Variants in WDR72 observed in about 807,000 individuals in gnomAD.
WDR72 encodes the protein WD repeat-containing protein 72.
WDR72 carries 120 observed loss-of-function variants against 124.2 expected under a neutral mutation model. The ratio of observed to expected loss-of-function variants is 0.97; its 90% CI spans 0.83 to 1.12. The LOEUF is 1.12. Among genes scored for constraint, WDR72 ranks in the 50% most tolerant of loss-of-function variants. The pLI is 0.00. For missense variants in WDR72, 1,387 were observed against 1,278.8 expected (o/e 1.08, Z -1.29); for synonymous variants, 452 against 441.7 (o/e 1.02, Z -0.29).
In WDR72 at chr15:53,541,398, G is replaced by T. The variant is rs1327617886; in HGVS notation, c.3149-18076C>A. 3.3e-5 allele frequency among the ~76,000 whole-genome samples: 5 copies of T among 151,858 alleles called. No individual in the cohort carries two copies. In the East Asian group the frequency reaches 5.8e-4, roughly 18 times the overall value. On this transcript the variant is annotated intron_variant, in intron 18 of 19. Coordinates refer to ENST00000360509, the MANE Select transcript of WDR72 (RefSeq NM_182758.4). ...GCAGGGGCACACTGATACCTCACAA[G>T]GCAAGGTATTCCAACAGACCTGCAG...
chr15:53,676,710 T>G (rs2016184264), intron 13 of WDR72, among the ~76,000 whole-genome samples: 1 of 152,150 alleles, frequency 6.6e-6, no homozygotes, highest in South Asian at 2.1e-4. Flanking sequence ...AGATCCTAAA[T>G]AGAGAACCTG....
At chr15:53,702,570 G>A (rs967998017) in intron 11 of WDR72, among the ~76,000 whole-genome samples, 1 of 152,154 alleles carries the variant, frequency 6.6e-6, no homozygotes, top group Non-Finnish European at 1.5e-5. Context: ...ACAGTTAGTT[G>A]TTCAAAGTCT....
rs2017346139 is a variant in WDR72 at position 53,706,091 on chromosome 15, C to A, written c.955-17G>T. The A allele has an allele frequency of 6.2e-7, 1 of 1,613,226 alleles. No individual in the cohort carries two copies. Among genetic ancestry groups the A allele is most frequent in the East Asian group, 2.2e-5 (1 of 44,844 alleles). On this transcript the variant is annotated splice_polypyrimidine_tract_variant and intron_variant, in intron 9 of 19. Transcript: ENST00000360509. ...GCTCTGTTCCTAAACAAAAAGTGAG[C>A]TTTTATGTAGGAAATATTCTAACTA...
intron 2 of WDR72, 41 bp from the exon 3 acceptor site, chr15:53,722,949 G>C: frequency 6.4e-7 from 1 of 1,551,558 alleles, no homozygotes; most frequent in Non-Finnish European, 8.9e-7. Context: ...ATTGTAAACT[G>C]TTTGAAGAAT....
intron 1 of WDR72, among the ~76,000 whole-genome samples, chr15:53,739,772 C>T (rs912598608): frequency 6.6e-6 from 1 of 152,138 alleles, no homozygotes; most frequent in Non-Finnish European, 1.5e-5. Flanking sequence ...GCTTGGCTAA[C>T]GTGTGCTTAG....
At chr15:53,642,071 A>G (rs77646326) in intron 14 of WDR72, among the ~76,000 whole-genome samples, 180 of 152,052 alleles carry the variant, frequency 1.2e-3, no homozygotes, top group African/African-American at 4.3e-3. Context: ...TTTGATTCAT[A>G]TATTTTCTTG....
chr15:53,612,372 T>G (rs2013577300), intron 16 of WDR72, among the ~76,000 whole-genome samples: 1 of 152,036 alleles, frequency 6.6e-6, no homozygotes, highest in Non-Finnish European at 1.5e-5. Flanking sequence ...AAGAGGCTTA[T>G]GGAGAACAGT....
intron 18 of WDR72, among the ~76,000 whole-genome samples, chr15:53,541,649 CTT>C (rs1463684436): frequency 5.9e-5 from 9 of 151,628 alleles, no homozygotes; most frequent in Non-Finnish European, 1.2e-4. Context: ...TGGAGAATGA[CTT>C]TGACGAGCTG....
At chr15:53,590,239 C>T (rs1159757198) in intron 18 of WDR72, among the ~76,000 whole-genome samples, 1 of 151,954 alleles carries the variant, frequency 6.6e-6, no homozygotes, top group African/African-American at 2.4e-5. Context: ...CCTTTCAACT[C>T]GTATGTGTAT....
chr15:53,604,083 C>G (rs1302344808), intron 17 of WDR72, among the ~76,000 whole-genome samples: 5 of 152,168 alleles, frequency 3.3e-5, no homozygotes, highest in Non-Finnish European at 7.4e-5. Flanking sequence ...TCAAACTATA[C>G]TACAGGGCTG....
intron 2 of WDR72, among the ~76,000 whole-genome samples, chr15:53,729,624 T>C (rs1317060142): frequency 1.3e-5 from 2 of 152,140 alleles, no homozygotes; most frequent in Non-Finnish European, 2.9e-5. Context: ...TTTTACCAGT[T>C]CCCTTAAGGC....
intron 13 of WDR72, among the ~76,000 whole-genome samples, chr15:53,671,375 T>C (rs1432979148): frequency 6.6e-6 from 1 of 152,234 alleles, no homozygotes; most frequent in Non-Finnish European, 1.5e-5. Flanking sequence ...CTTGTACTGT[T>C]TTCTATCTCA....
intron 14 of WDR72, among the ~76,000 whole-genome samples, chr15:53,647,245 G>T (rs995874414): frequency 1.3e-5 from 2 of 151,872 alleles, no homozygotes; most frequent in East Asian, 3.9e-4. Context: ...GAAACTAAAG[G>T]TATTTATATC....
At chr15:53,686,858 T>C (rs2016650339) in intron 13 of WDR72, among the ~76,000 whole-genome samples, 1 of 151,662 alleles carries the variant, frequency 6.6e-6, no homozygotes, top group African/African-American at 2.4e-5. Context: ...TATAACAAAC[T>C]GTCTCTCAGA....
In WDR72 at chr15:53,701,839, A is replaced by G. The variant is rs551127395; in HGVS notation, c.1569+295T>C. Among the ~76,000 whole-genome samples, 19 of 152,218 alleles carry G rather than the reference A, an allele frequency of 1.2e-4. No individual in the cohort carries two copies. The South Asian group carries it at 3.7e-3, about 30-fold the overall frequency. On this transcript the variant is annotated intron_variant, in intron 12 of 19. Transcript: ENST00000360509. ...AAAAATGAAGATATAGAATGAGAGG[A>G]AAAAAATAGATGTAAGTACTTGAAG...
At chr15:53,679,952 A>AAAAAAAG (rs1555422867) in intron 13 of WDR72, among the ~76,000 whole-genome samples, 34 of 151,356 alleles carry the variant, frequency 2.2e-4, no homozygotes, top group African/African-American at 7.1e-4. Context: ...AGCAAAAAAA[A>AAAAAAAG]AAAGAAAAGG....
intron 12 of WDR72, among the ~76,000 whole-genome samples, chr15:53,700,541 T>A (rs1198822982): frequency 6.6e-6 from 1 of 152,178 alleles, no homozygotes; most frequent in Non-Finnish European, 1.5e-5. Context: ...AAGATACTTT[T>A]TAAGAAGTCA....
rs967306121 is a variant in WDR72 at position 53,712,818 on chromosome 15, G to A, written c.665C>T (p.Thr222Ile). ...CACCAATAGAAGTCTCTCAGTATAT[G>A]TGCAAAATCGAATTGTCTGGCAGTT... ...SLNCQTIRFCTYTERLLLVVF... is the reference protein window; with the variant it reads ...SLNCQTIRFCIYTERLLLVVF... Residue 222 changes from threonine to isoleucine, a missense_variant, in exon 7 of 20, where the codon ACA becomes ATA. Transcript: ENST00000360509. The A allele has an allele frequency of 6.2e-6, 10 of 1,613,468 alleles. No homozygotes were observed. Among genetic ancestry groups the A allele is most frequent in the African/African-American group, 1.3e-5 (1 of 74,884 alleles).
chr15:53,627,614 A>G lies in WDR72; in HGVS notation c.1963-11371T>C, dbSNP rs145399300. Among the ~76,000 whole-genome samples, 386 of 152,326 alleles carry G rather than the reference A, an allele frequency of 2.5e-3. 6 individuals are homozygous for G. Among genetic ancestry groups the G allele is most frequent in the African/African-American group, 8.7e-3 (362 of 41,588 alleles). The stretch of plus-strand genomic sequence containing the variant: ...TGAAAAATGTTTTAATGTAAAGTGT[A>G]TAAGTTAGGCCTGTGGAAAGCTTGA... On this transcript the variant is annotated intron_variant, in intron 14 of 19. Coordinates refer to ENST00000360509, the MANE Select transcript of WDR72 (RefSeq NM_182758.4).
Sources: allele counts gnomAD v4.1 joint callset (sites outside exome capture counted in the v4.1 genomes callset), GRCh38; gene constraint gnomAD v4.1.1; transcripts MANE v1.5; gene names NCBI Gene and HGNC (gene_info 2026-07-23, HGNC 2026-07-21).